The following RALGPS1 variants were observed in gnomAD, a reference collection of about 807,000 sequenced individuals.
The protein encoded by RALGPS1 is ras-specific guanine nucleotide-releasing factor RalGPS1.
RALGPS1 carries 19 observed loss-of-function variants against 78.8 expected under a neutral mutation model. The observed-to-expected ratio is 0.24, with a 90% CI of 0.17 to 0.35. The LOEUF is 0.35. Among genes scored for constraint, RALGPS1 ranks in the 10% least tolerant of loss-of-function variants. RALGPS1 has a pLI of 1.00. For missense variants in RALGPS1, 454 were observed against 688.3 expected, an observed-to-expected ratio of 0.66 and a Z score of 3.81; for synonymous variants, 228 against 256.3, an observed-to-expected ratio of 0.89 and a Z score of 1.06.
At chr9:126,958,142 A>AAAAAATATATAT (rs113413659) in intron 1 of RALGPS1, among the ~76,000 whole-genome samples, 32 of 77,068 alleles carry the variant, frequency 4.2e-4, no homozygotes, top group Admixed American at 8.9e-4. Flanking sequence ...AAAAAAAAAA[A>AAAAAATATATAT]ATATATATAT....
At chr9:127,197,646 G>A (rs1489451482) in intron 13 of RALGPS1, among the ~76,000 whole-genome samples, 3 of 152,216 alleles carry the variant, frequency 2.0e-5, no homozygotes, top group Non-Finnish European at 4.4e-5. Context: ...AGCATGTTCT[G>A]TGTCTGCCTC....
intron 4 of RALGPS1, among the ~76,000 whole-genome samples, chr9:126,987,940 T>C (rs1052385952): frequency 6.6e-6 from 1 of 152,132 alleles, no homozygotes; most frequent in South Asian, 2.1e-4. Flanking sequence ...AAGGAGCATG[T>C]CCCACAGAAG....
intron 4 of RALGPS1, among the ~76,000 whole-genome samples, chr9:127,000,534 C>CTTTTTTTT (rs1163116649): frequency 2.4e-4 from 8 of 33,336 alleles, no homozygotes; most frequent in Admixed American, 8.5e-4. Flanking sequence ...CTTGTCTTGT[C>CTTTTTTTT]TTTTTTTTTT....
intron 8 of RALGPS1, among the ~76,000 whole-genome samples, chr9:127,124,479 A>G (rs1256149000): frequency 2.6e-5 from 4 of 152,186 alleles, no homozygotes; most frequent in African/African-American, 9.6e-5. Context: ...TTGAGGCCCC[A>G]CACACTGGGG....
At chr9:126,969,794 T>G (rs558984455) in intron 3 of RALGPS1, among the ~76,000 whole-genome samples, 71 of 152,314 alleles carry the variant, frequency 4.7e-4, no homozygotes, top group Middle Eastern at 3.4e-3. Flanking sequence ...CGTAGGGTAT[T>G]GCTTGGCTTG....
chr9:127,154,625 T>G (rs2058611373), intron 8 of RALGPS1, among the ~76,000 whole-genome samples: 1 of 152,232 alleles, frequency 6.6e-6, no homozygotes, highest in Admixed American at 6.5e-5. Flanking sequence ...ATGCAGGGAT[T>G]GATAATTGAG....
chr9:126,994,994 A>G (rs543235267), intron 4 of RALGPS1, among the ~76,000 whole-genome samples: 1 of 152,346 alleles, frequency 6.6e-6, no homozygotes, highest in Non-Finnish European at 1.5e-5. Context: ...AGATTTTGTC[A>G]CCACCAGGCC....
intron 3 of RALGPS1, among the ~76,000 whole-genome samples, chr9:126,966,788 A>T (rs1241664166): frequency 9.9e-5 from 15 of 150,962 alleles, no homozygotes; most frequent in East Asian, 1.9e-4. Context: ...AATATAAATT[A>T]AAAAAAAAGA....
At chr9:126,985,217 C>T (rs913736540) in intron 4 of RALGPS1, among the ~76,000 whole-genome samples, 5 of 152,114 alleles carry the variant, frequency 3.3e-5, no homozygotes, top group African/African-American at 9.7e-5. Context: ...CATGATGTAT[C>T]GGTAACTGTT....
chr9:127,000,534 CTTTTTTTTT>C (rs1163116649), intron 4 of RALGPS1, among the ~76,000 whole-genome samples: 1 of 33,308 alleles, frequency 3.0e-5, no homozygotes, highest in African/African-American at 1.9e-4. Flanking sequence ...CTTGTCTTGT[CTTTTTTTTT>C]TTTTTTTTTT....
intron 1 of RALGPS1, among the ~76,000 whole-genome samples, chr9:126,934,015 C>T (rs1264746898): frequency 1.3e-5 from 2 of 152,104 alleles, no homozygotes; most frequent in Non-Finnish European, 2.9e-5. Context: ...GGTTCATTCC[C>T]CATGCACACC....
intron 8 of RALGPS1, among the ~76,000 whole-genome samples, chr9:127,136,413 C>A (rs1467746198): frequency 3.3e-5 from 5 of 152,154 alleles, no homozygotes; most frequent in African/African-American, 1.2e-4. Context: ...TGTGGAGCAC[C>A]CACCCTCTTC....
intron 8 of RALGPS1, among the ~76,000 whole-genome samples, chr9:127,137,282 C>G (rs1177626340): frequency 6.6e-6 from 1 of 152,188 alleles, no homozygotes; most frequent in East Asian, 1.9e-4. Context: ...GACTAGTGGC[C>G]CACTCTAGGC....
intron 1 of RALGPS1, among the ~76,000 whole-genome samples, chr9:126,921,582 A>C (rs2034760470): frequency 6.6e-6 from 1 of 152,102 alleles, no homozygotes; most frequent in South Asian, 2.1e-4. Context: ...TTTGCAGGAG[A>C]TTTATCTCCT....
At position 127,203,522 on chromosome 9, in the gene RALGPS1, G is replaced by C. The variant is rs371168315; in HGVS notation, c.1247+4456G>C. Among the ~76,000 whole-genome samples the C allele has an allele frequency of 9.5e-3, 1,446 of 152,174 alleles. 26 individuals are homozygous for C. The highest frequency in any genetic ancestry group is 0.033 in the African/African-American group (1,386 of 41,480). On this transcript the variant is annotated intron_variant, in intron 14 of 18. Transcript: ENST00000259351. Reference sequence around the variant, plus strand: ...TAGTGGGAAGCGTAGGGGATGGGGGGGTCCTTGGAAGGCCCAGGGTGAGAG... The same window carrying C: ...TAGTGGGAAGCGTAGGGGATGGGGGCGTCCTTGGAAGGCCCAGGGTGAGAG...
At chr9:126,986,133 C>G (rs1286747306) in intron 4 of RALGPS1, among the ~76,000 whole-genome samples, 1 of 152,148 alleles carries the variant, frequency 6.6e-6, no homozygotes, top group Non-Finnish European at 1.5e-5. Flanking sequence ...CTGCTGGTTT[C>G]TGCAAGGGGG....
intron 18 of RALGPS1, chr9:127,217,543 A>G (rs535018883): frequency 3.4e-6 from 2 of 594,150 alleles, no homozygotes; most frequent in South Asian, 7.5e-5. Flanking sequence ...AACCTTATCT[A>G]TAACATATGT....
intron 9 of RALGPS1, among the ~76,000 whole-genome samples, chr9:127,166,616 C>T (rs2059305181): frequency 1.3e-5 from 2 of 152,200 alleles, no homozygotes; most frequent in Admixed American, 6.5e-5. Context: ...CTCCACTGGA[C>T]TCTGCATCCA....
At chr9:127,196,098 C>T (rs891000969) in intron 12 of RALGPS1, among the ~76,000 whole-genome samples, 5 of 152,218 alleles carry the variant, frequency 3.3e-5, no homozygotes, top group Non-Finnish European at 7.3e-5. Context: ...GGTGGAAAAA[C>T]ATCAGAGCAA....
Sources: gnomAD v4.1 joint callset for allele counts (sites outside exome capture counted in the v4.1 genomes callset) on GRCh38, gnomAD v4.1.1 for gene constraint, MANE v1.5 for transcripts, NCBI Gene and HGNC (gene_info 2026-07-23, HGNC 2026-07-21) for gene names.